COA1: variants seen among roughly 807,000 people sequenced by gnomAD.
COA1 encodes cytochrome c oxidase assembly factor 1, also known as cytochrome c oxidase assembly factor 1 homolog.
A neutral mutation model predicts 16.0 loss-of-function variants in COA1; 13 were observed. The ratio of observed to expected loss-of-function variants is 0.81; its 90% CI spans 0.53 to 1.29. COA1 has a LOEUF of 1.29. COA1 is among the 50% of genes most tolerant of loss of function. The pLI is 0.00. For synonymous variants in COA1, 65 were observed against 65.7 expected, an observed-to-expected ratio of 0.99 and a Z score of 0.05; for missense variants, 179 against 177.0, an observed-to-expected ratio of 1.01 and a Z score of -0.06.
intron 6 of COA1, chr7:43,624,622 C>T (rs1434722047): frequency 3.7e-6 from 6 of 1,614,032 alleles, no homozygotes; most frequent in Non-Finnish European, 5.1e-6. Flanking sequence ...GAAGCAAATG[C>T]CCTCCAAGAA....
At chr7:43,656,148 G>A (rs1442745874) in intron 1 of COA1, 1 of 152,168 alleles carries the variant, frequency 6.6e-6, no homozygotes, top group Non-Finnish European at 1.5e-5. Context: ...GCTGATCCAA[G>A]TCAACCTACG....
intron 4 of COA1, 86 bp from the exon 5 acceptor site, chr7:43,640,735 C>G (rs1293395528): frequency 9.3e-6 from 9 of 971,944 alleles, no homozygotes; most frequent in African/African-American, 1.7e-5. Flanking sequence ...CTTTCTAGAG[C>G]TAAGCCTATA....
chr7:43,699,110 CA>C (rs1173195721), intron 1 of COA1, among the ~76,000 whole-genome samples: 1 of 152,076 alleles, frequency 6.6e-6, no homozygotes, highest in African/African-American at 2.4e-5. Flanking sequence ...CTGCCTTCAC[CA>C]AATTACAGGA....
At chr7:43,670,773 C>G (rs2093211021) in intron 1 of COA1, among the ~76,000 whole-genome samples, 1 of 152,164 alleles carries the variant, frequency 6.6e-6, no homozygotes, top group Non-Finnish European at 1.5e-5. Context: ...CTTCACATAT[C>G]TTTTCATTCT....
intron 6 of COA1, among the ~76,000 whole-genome samples, chr7:43,620,569 G>A (rs1210231889): frequency 6.6e-6 from 1 of 152,030 alleles, no homozygotes; most frequent in African/African-American, 2.4e-5. Flanking sequence ...AGCTACTCGG[G>A]AGGCTGAGGC....
intron 1 of COA1, among the ~76,000 whole-genome samples, chr7:43,674,553 A>T (rs1293322522): frequency 6.6e-6 from 1 of 152,242 alleles, no homozygotes; most frequent in African/African-American, 2.4e-5. Context: ...ATAAAACTGC[A>T]ATGATATTAC....
At chr7:43,718,936 CA>C (rs1171107036) in intron 1 of COA1, among the ~76,000 whole-genome samples, 1 of 150,860 alleles carries the variant, frequency 6.6e-6, no homozygotes, top group Non-Finnish European at 1.5e-5. Flanking sequence ...CAACAGGGAG[CA>C]AGATTAGAAG....
At chr7:43,706,338 T>C (rs893373581) in intron 1 of COA1, among the ~76,000 whole-genome samples, 1 of 150,722 alleles carries the variant, frequency 6.6e-6, no homozygotes, top group African/African-American at 2.4e-5. Context: ...AATTCAACAC[T>C]AGCCTGAGGA....
intron 1 of COA1, among the ~76,000 whole-genome samples, chr7:43,679,906 C>T (rs1341967461): frequency 6.6e-6 from 1 of 151,790 alleles, no homozygotes; most frequent in African/African-American, 2.4e-5. Flanking sequence ...GAACTAAACA[C>T]TATAAATAGT....
chr7:43,694,474 T>C (rs2094469961), intron 1 of COA1, among the ~76,000 whole-genome samples: 1 of 152,164 alleles, frequency 6.6e-6, no homozygotes, highest in Admixed American at 6.5e-5. Context: ...ATGTCCTCCG[T>C]ATTGTTAAAA....
At chr7:43,691,336 A>AGAAAGAGAGAGAGG (rs2094312553) in intron 1 of COA1, among the ~76,000 whole-genome samples, 2 of 37,362 alleles carry the variant, frequency 5.4e-5, no homozygotes, top group Non-Finnish European at 1.0e-4. Flanking sequence ...AAAGAGAAAG[A>AGAAAGAGAGAGAGG]GAGAGAGGGA....
At chr7:43,642,723 C>A (rs1453577354) in intron 4 of COA1, among the ~76,000 whole-genome samples, 2 of 152,204 alleles carry the variant, frequency 1.3e-5, no homozygotes, top group East Asian at 3.8e-4. Context: ...CCTTCACCAG[C>A]CAGACCTTGC....
chr7:43,639,228 G>T, downstream of COA1: 1 of 157,552 alleles, frequency 6.3e-6, no homozygotes, highest in Non-Finnish European at 1.4e-5. Flanking sequence ...AAAGGAAGAG[G>T]AAGAGAAAGG....
chr7:43,725,075 C>T (rs2095586646), intron 1 of COA1, among the ~76,000 whole-genome samples: 1 of 152,056 alleles, frequency 6.6e-6, no homozygotes, highest in African/African-American at 2.4e-5. Context: ...CCCGTCTGTA[C>T]TAAAAATACA....
downstream of COA1, among the ~76,000 whole-genome samples, chr7:43,634,440 G>A (rs147233040): frequency 4.6e-5 from 7 of 152,270 alleles, no homozygotes; most frequent in Non-Finnish European, 8.8e-5. Flanking sequence ...GCAGCTTCCC[G>A]CTAGAACACG....
intron 1 of COA1, among the ~76,000 whole-genome samples, chr7:43,667,008 CCAGT>C (rs2092933465): frequency 6.6e-6 from 1 of 152,104 alleles, no homozygotes; most frequent in Admixed American, 6.5e-5. Context: ...ATTTCACCTC[CCAGT>C]CAAATTGGTT....
intron 1 of COA1, among the ~76,000 whole-genome samples, chr7:43,700,273 AGCT>A (rs1388648009): frequency 1.4e-5 from 2 of 146,790 alleles, no homozygotes; most frequent in Non-Finnish European, 1.6e-5. Context: ...TGCTTTTGAT[AGCT>A]GTTGAATACA....
intron 1 of COA1, among the ~76,000 whole-genome samples, chr7:43,704,204 G>C (rs1314186585): frequency 6.6e-6 from 1 of 152,192 alleles, no homozygotes; most frequent in Admixed American, 6.5e-5. Flanking sequence ...GGCTACCTTA[G>C]TATGTGGCCT....
At chr7:43,676,728 A>G (rs1242502458) in intron 1 of COA1, among the ~76,000 whole-genome samples, 2 of 152,190 alleles carry the variant, frequency 1.3e-5, no homozygotes, top group African/African-American at 2.4e-5. Context: ...TGGCTTGATC[A>G]TTACACATTG....
Sources: gnomAD v4.1 joint callset for allele counts (sites outside exome capture counted in the v4.1 genomes callset) on GRCh38, gnomAD v4.1.1 for gene constraint, MANE v1.5 for transcripts, NCBI Gene and HGNC (gene_info 2026-07-23, HGNC 2026-07-21) for gene names.